Variants in VPS13B observed in about 807,000 individuals in gnomAD.
The protein encoded by VPS13B is vacuolar protein sorting 13 homolog B, also known as intermembrane lipid transfer protein VPS13B.
In VPS13B, 285 loss-of-function variants were observed where a neutral mutation model predicts 426.4. The ratio of observed to expected loss-of-function variants is 0.67; its 90% CI spans 0.61 to 0.74. The LOEUF (loss-of-function observed/expected upper bound fraction) is 0.74, where lower values mean the gene tolerates loss of function less well. Ranked by LOEUF, VPS13B falls within the 30% of genes least tolerant of loss-of-function variation. The pLI is 0.00. For synonymous variants in VPS13B, 1,676 were observed against 1,676.4 expected, an observed-to-expected ratio of 1.00 and a Z score of 0.01; for missense variants, 4,537 against 4,782.6, an observed-to-expected ratio of 0.95 and a Z score of 1.51.
intron 6 of VPS13B, among the ~76,000 whole-genome samples, 160 bp downstream of exon 6, chr8:99,111,439 T>TA (rs1451238817): frequency 1.3e-5 from 2 of 152,098 alleles, no homozygotes; most frequent in Non-Finnish European, 2.9e-5. Flanking sequence ...ATTTTTATGT[T>TA]GTATTTATAC....
intron 16 of VPS13B, among the ~76,000 whole-genome samples, chr8:99,180,851 T>G (rs543010165): frequency 6.6e-6 from 1 of 152,130 alleles, no homozygotes; most frequent in South Asian, 2.1e-4. Context: ...TTAGCCTTAA[T>G]AGTAGAGAAG....
chr8:99,031,741 G>C (rs1400916193), intron 2 of VPS13B, among the ~76,000 whole-genome samples: 1 of 152,122 alleles, frequency 6.6e-6, no homozygotes, highest in South Asian at 2.1e-4. Context: ...GCTTTGCTTG[G>C]GGTGAGGAAT....
intron 19 of VPS13B, among the ~76,000 whole-genome samples, chr8:99,337,921 T>C (rs1044511663): frequency 1.3e-5 from 2 of 152,104 alleles, no homozygotes; most frequent in Non-Finnish European, 2.9e-5. Flanking sequence ...TTTTTTTTTC[T>C]CATTCATCCA....
intron 7 of VPS13B, among the ~76,000 whole-genome samples, chr8:99,119,153 G>A (rs1368356367): frequency 1.3e-5 from 2 of 151,866 alleles, no homozygotes; most frequent in Non-Finnish European, 2.9e-5. Context: ...TGTGATTATC[G>A]GCCTTTATCT....
intron 33 of VPS13B, among the ~76,000 whole-genome samples, chr8:99,590,931 T>C (rs1449875639): frequency 6.6e-6 from 1 of 152,062 alleles, no homozygotes; most frequent in Non-Finnish European, 1.5e-5. Flanking sequence ...ATATTGATAG[T>C]GGGGTGTTAA....
chr8:99,523,129 T>G (rs1288987306), intron 30 of VPS13B, among the ~76,000 whole-genome samples: 1 of 152,130 alleles, frequency 6.6e-6, no homozygotes, highest in Non-Finnish European at 1.5e-5. Context: ...CAGGGCCTGC[T>G]TGTGGAAAGG....
intron 3 of VPS13B, among the ~76,000 whole-genome samples, chr8:99,085,693 T>C (rs1248205770): frequency 6.6e-6 from 1 of 152,136 alleles, no homozygotes; most frequent in Non-Finnish European, 1.5e-5. Context: ...AGGATTTTAT[T>C]CTCCTTCACT....
At chr8:99,055,443 A>G (rs1843798224) in intron 3 of VPS13B, among the ~76,000 whole-genome samples, 1 of 152,178 alleles carries the variant, frequency 6.6e-6, no homozygotes, top group Admixed American at 6.6e-5. Flanking sequence ...TGGAATTATA[A>G]TAGGGATTGT....
At chr8:99,242,879 A>T (rs962399030) in intron 17 of VPS13B, among the ~76,000 whole-genome samples, 16 of 152,110 alleles carry the variant, frequency 1.1e-4, no homozygotes, top group African/African-American at 3.9e-4. Flanking sequence ...TTTTTCTTCA[A>T]TGGTAGGCAT....
At chr8:99,243,758 C>T (rs1336554563) in intron 17 of VPS13B, among the ~76,000 whole-genome samples, 4 of 152,144 alleles carry the variant, frequency 2.6e-5, no homozygotes, top group African/African-American at 2.4e-5. Flanking sequence ...ACGCTGCTGC[C>T]GCCACTGCAG....
At chr8:99,790,638 A>G (rs996921059) in intron 43 of VPS13B, among the ~76,000 whole-genome samples, 4 of 152,190 alleles carry the variant, frequency 2.6e-5, no homozygotes, top group Non-Finnish European at 4.4e-5. Flanking sequence ...GCATCTGGAT[A>G]TGAACAAAGT....
chr8:99,686,599 T>C (rs1335136850), intron 35 of VPS13B, among the ~76,000 whole-genome samples: 2 of 151,916 alleles, frequency 1.3e-5, no homozygotes. Flanking sequence ...CTCCCTCCAC[T>C]TTCCACAAGC....
At chr8:99,306,777 G>A (rs1198531730) in intron 19 of VPS13B, among the ~76,000 whole-genome samples, 1 of 152,020 alleles carries the variant, frequency 6.6e-6, no homozygotes, top group African/African-American at 2.4e-5. Flanking sequence ...CCATGGAAGA[G>A]GCATCTCACT....
At chr8:99,845,343 T>C (rs1340678657) in intron 54 of VPS13B, among the ~76,000 whole-genome samples, 1 of 152,154 alleles carries the variant, frequency 6.6e-6, no homozygotes, top group Admixed American at 6.6e-5. Context: ...TTCCCCCTTG[T>C]AACTAACCAC....
At chr8:99,483,653 A>C (rs540946450) in intron 25 of VPS13B, among the ~76,000 whole-genome samples, 2 of 152,310 alleles carry the variant, frequency 1.3e-5, no homozygotes, top group South Asian at 4.1e-4. Flanking sequence ...AGTGGCTGAA[A>C]GGAGAGTGTT....
chr8:99,504,994 C>T (rs1283425037), intron 27 of VPS13B, among the ~76,000 whole-genome samples: 1 of 152,236 alleles, frequency 6.6e-6, no homozygotes, highest in Non-Finnish European at 1.5e-5. Context: ...GCACTTGTTG[C>T]TTCATGTTGC....
intron 19 of VPS13B, among the ~76,000 whole-genome samples, chr8:99,299,062 T>TC (rs1820204541): frequency 6.9e-6 from 1 of 144,944 alleles, no homozygotes; most frequent in South Asian, 2.3e-4. Context: ...CTTTTTTTTT[T>TC]TTTTTTTTTT....
chr8:99,491,975 C>T (rs1277908253), intron 25 of VPS13B, among the ~76,000 whole-genome samples: 1 of 152,160 alleles, frequency 6.6e-6, no homozygotes, highest in African/African-American at 2.4e-5. Flanking sequence ...CTTTTCTGCT[C>T]TGGTTTCTCC....
At position 99,254,943 on chromosome 8, in the gene VPS13B, T is replaced by G. The variant is rs549385656; in HGVS notation, c.2516-19255T>G. On this transcript the variant is annotated intron_variant, in intron 17 of 61. Transcript: ENST00000357162. ...CAGAGCCACTCTTTTTTGAAGTACA[T>G]TTTCTGTTTCATCTTTTTATTTTTC... Among the ~76,000 whole-genome samples the G allele has an allele frequency of 1.8e-4, 27 of 152,274 alleles. 1 individual carries two copies. The South Asian group carries it at 5.6e-3, about 32-fold the overall frequency.
Sources: gnomAD v4.1 joint callset for allele counts (sites outside exome capture counted in the v4.1 genomes callset) on GRCh38, gnomAD v4.1.1 for gene constraint, MANE v1.5 for transcripts, NCBI Gene and HGNC (gene_info 2026-07-23, HGNC 2026-07-21) for gene names.